RBMS3: variants seen among roughly 807,000 people sequenced by gnomAD.
The protein encoded by RBMS3 is RNA-binding motif, single-stranded-interacting protein 3.
RBMS3 carries 27 observed loss-of-function variants against 66.8 expected under a neutral mutation model. That is an observed-to-expected ratio of 0.40 (90% CI 0.30 to 0.56). RBMS3 has a LOEUF of 0.56. Ranked by LOEUF, RBMS3 falls within the 20% of genes least tolerant of loss-of-function variation. RBMS3 has a pLI of 0.40. For synonymous variants in RBMS3, 188 were observed against 183.0 expected (o/e 1.03, Z -0.22); for missense variants, 513 against 549.5 (o/e 0.93, Z 0.66).
intron 4 of RBMS3, among the ~76,000 whole-genome samples, chr3:29,639,968 T>G (rs2049634574): frequency 6.6e-6 from 1 of 151,844 alleles, no homozygotes; most frequent in Non-Finnish European, 1.5e-5. Flanking sequence ...ATAAACTTTT[T>G]GCTATAATGT....
intron 4 of RBMS3, among the ~76,000 whole-genome samples, chr3:29,725,277 G>GT (rs1349283715): frequency 2.0e-5 from 3 of 152,116 alleles, no homozygotes; most frequent in African/African-American, 4.8e-5. Flanking sequence ...CACATTAAAC[G>GT]TAAGACTTAT....
At chr3:29,928,211 T>TACAC (rs1175604100) in intron 10 of RBMS3, among the ~76,000 whole-genome samples, 3,173 of 93,308 alleles carry the variant, frequency 0.034, 86 homozygotes, top group South Asian at 0.05. Context: ...TATATATATA[T>TACAC]ACACACACAC....
intron 3 of RBMS3, among the ~76,000 whole-genome samples, chr3:29,585,694 C>T (rs60773525): frequency 2.0e-5 from 3 of 152,074 alleles, no homozygotes; most frequent in Non-Finnish European, 4.4e-5. Context: ...CTATTACTTC[C>T]ACTTTTTTTT....
chr3:29,369,075 A>C (rs986089952), intron 1 of RBMS3, among the ~76,000 whole-genome samples: 4 of 152,070 alleles, frequency 2.6e-5, no homozygotes, highest in African/African-American at 9.7e-5. Flanking sequence ...CAAGCCAAAT[A>C]CCATATGTTC....
chr3:29,504,804 C>T (rs2044119622), intron 3 of RBMS3, among the ~76,000 whole-genome samples: 3 of 151,938 alleles, frequency 2.0e-5, no homozygotes, highest in Non-Finnish European at 4.4e-5. Flanking sequence ...GAGTTGATAG[C>T]TCATTGTGGA....
chr3:29,900,997 G>A (rs545790454), intron 10 of RBMS3, among the ~76,000 whole-genome samples: 2 of 151,602 alleles, frequency 1.3e-5, no homozygotes, highest in East Asian at 3.9e-4. Flanking sequence ...TTTTCATGTT[G>A]CTCCAAACAT....
intron 3 of RBMS3, among the ~76,000 whole-genome samples, chr3:29,493,912 A>T (rs1344759303): frequency 3.3e-5 from 5 of 152,232 alleles, no homozygotes; most frequent in Non-Finnish European, 7.3e-5. Context: ...CATTAAGAGC[A>T]TCAAGACTGT....
intron 12 of RBMS3, among the ~76,000 whole-genome samples, chr3:29,954,199 T>A (rs1695875175): frequency 6.6e-6 from 1 of 151,882 alleles, no homozygotes; most frequent in Admixed American, 6.6e-5. Context: ...TGGCATCATG[T>A]GCTTCCTCAC....
intron 1 of RBMS3, among the ~76,000 whole-genome samples, chr3:29,332,507 G>A (rs2035721739): frequency 6.6e-6 from 1 of 152,088 alleles, no homozygotes; most frequent in African/African-American, 2.4e-5. Flanking sequence ...ATATAATGTG[G>A]AATTACCCTG....
chr3:29,365,759 C>A (rs1243234007), intron 1 of RBMS3, among the ~76,000 whole-genome samples: 1 of 152,124 alleles, frequency 6.6e-6, no homozygotes, highest in Non-Finnish European at 1.5e-5. Flanking sequence ...TACTGTATTT[C>A]CTCTGTTACT....
At chr3:29,568,678 A>G (rs1270304676) in intron 3 of RBMS3, among the ~76,000 whole-genome samples, 1 of 152,208 alleles carries the variant, frequency 6.6e-6, no homozygotes, top group Non-Finnish European at 1.5e-5. Context: ...TCTAGACTGC[A>G]TGATGGCAAC....
chr3:29,698,816 G>T (rs182828923), intron 4 of RBMS3, among the ~76,000 whole-genome samples: 1 of 151,734 alleles, frequency 6.6e-6, no homozygotes, highest in Non-Finnish European at 1.5e-5. Context: ...ATTTTTTGTT[G>T]TACGAAAAAT....
At chr3:29,400,622 C>T (rs529005467) in intron 1 of RBMS3, among the ~76,000 whole-genome samples, 2 of 151,840 alleles carry the variant, frequency 1.3e-5, no homozygotes, top group African/African-American at 2.4e-5. Flanking sequence ...AGAACAAAAG[C>T]GAGGTAGCTG....
At chr3:29,642,826 T>A (rs2149199374) in intron 4 of RBMS3, 1 of 152,268 alleles carries the variant, frequency 6.6e-6, no homozygotes, top group Non-Finnish European at 1.5e-5. Context: ...CATATCTTGT[T>A]GACCTTGATT....
chr3:29,899,447 G>C (rs1014806795), intron 9 of RBMS3, among the ~76,000 whole-genome samples: 11 of 151,656 alleles, frequency 7.3e-5, no homozygotes, highest in African/African-American at 2.7e-4. Flanking sequence ...CTCAAAATAT[G>C]CTCCAAGACC....
At chr3:29,595,414 A>AAC (rs2047912425) in intron 4 of RBMS3, among the ~76,000 whole-genome samples, 1 of 150,906 alleles carries the variant, frequency 6.6e-6, no homozygotes, top group Non-Finnish European at 1.5e-5. Flanking sequence ...AAAAAAAAAA[A>AAC]AGAAAAGAAA....
intron 5 of RBMS3, among the ~76,000 whole-genome samples, chr3:29,754,136 T>C (rs891173455): frequency 1.3e-5 from 2 of 151,802 alleles, no homozygotes; most frequent in Non-Finnish European, 2.9e-5. Context: ...GTATTTTAAA[T>C]AGAGGCAGGG....
chr3:29,827,546 C>T (rs1214753597), intron 6 of RBMS3, among the ~76,000 whole-genome samples: 1 of 152,088 alleles, frequency 6.6e-6, no homozygotes, highest in East Asian at 1.9e-4. Context: ...ACCAGTTATT[C>T]ATATCTCCTG....
intron 5 of RBMS3, among the ~76,000 whole-genome samples, chr3:29,753,769 A>G (rs2055287622): frequency 6.6e-6 from 1 of 152,210 alleles, no homozygotes; most frequent in African/African-American, 2.4e-5. Flanking sequence ...ATGATAAAAA[A>G]GACCCAGTGA....
Sources: gnomAD v4.1 joint callset for allele counts (sites outside exome capture counted in the v4.1 genomes callset) on GRCh38, gnomAD v4.1.1 for gene constraint, MANE v1.5 for transcripts, NCBI Gene and HGNC (gene_info 2026-07-23, HGNC 2026-07-21) for gene names.